NRBP2: variants seen among roughly 807,000 people sequenced by gnomAD.
NRBP2 encodes the protein nuclear receptor binding protein 2.
Under a neutral mutation model 74.4 loss-of-function variants are expected in NRBP2, and 47 were observed. The observed-to-expected ratio is 0.63, with a 90% CI of 0.50 to 0.81. The LOEUF is 0.81. Among genes scored for constraint, NRBP2 ranks in the 30% least tolerant of loss-of-function variants. NRBP2 has a pLI of 0.00. For missense variants in NRBP2, 613 were observed against 690.1 expected (o/e 0.89, Z 1.25); for synonymous variants, 312 against 273.8 (o/e 1.14, Z -1.38).
Position 143,840,783 on chromosome 8 carries a change from G to A in NRBP2, c.52C>T (p.Arg18Trp). 1 of 1,504,270 alleles carries A rather than the reference G, an allele frequency of 6.6e-7. No homozygotes were observed. The highest frequency in any genetic ancestry group is 8.8e-7 in the Non-Finnish European group (1 of 1,132,434). 93.2% of individuals were successfully genotyped at this position (1,504,270 alleles called of 1,614,324 possible). A position where few individuals can be genotyped will look rare whatever the true frequency, so the allele number is the denominator to read the frequency against. ...PRRARERERE[R>W]EDESEDESDI... is the part of the protein sequence containing the mutation. The stretch of plus-strand genomic sequence containing the variant: ...CTCTCGTCCTCGCTCTCGTCCTCCC[G>A]CTCCCGCTCCCGTTCCCGGGCCCGC... The change falls in exon 1 of 18, where the codon CGG becomes TGG. Residue 18 changes from arginine (R) to tryptophan (W), a missense_variant. This residue lies in a region of NRBP2 where 332 missense variants were observed against 429.2 expected (regional missense o/e 0.77). Coordinates refer to ENST00000442628, the MANE Select transcript of NRBP2 (RefSeq NM_178564.4). This position sits in a 1 kb window ranked among gnomAD's most constrained non-coding sequence, Gnocchi z 5.7.
At position 143,839,292 on chromosome 8, in the gene NRBP2, CCCAGCCCTGCCCCG is replaced by C. The variant is rs1563863993; in HGVS notation, c.580+8_580+21del. ...CACCTTCCCCTGCCCCGTTCCCCCA[CCCAGCCCTGCCCCG>C]CCAGCACCGGAGCCGATCTTGATGA... On this transcript the variant is annotated splice_region_variant and intron_variant, in intron 6 of 17. Transcript: ENST00000442628. The surrounding 1 kb of genome is among the most constrained non-coding windows in gnomAD (Gnocchi z 5.1). The C allele has an allele frequency of 1.3e-6, 2 of 1,539,882 alleles. No homozygotes were observed. The highest frequency in any genetic ancestry group is 2.4e-5 in the South Asian group (2 of 84,374).
chr8:143,837,332 G>A lies in NRBP2; in HGVS notation c.1077-33C>T. On this transcript the variant is annotated intron_variant, in intron 12 of 17. Coordinates refer to ENST00000442628, the MANE Select transcript of NRBP2 (RefSeq NM_178564.4). The surrounding 1 kb of genome is among the most constrained non-coding windows in gnomAD (Gnocchi z 4.3). Reference sequence around the variant, plus strand: ...GGAAGTGGGAGGCACATGAGGGGCTGGCCGGGGCGAGGGGAGGGGAGGTGC... The same window carrying A: ...GGAAGTGGGAGGCACATGAGGGGCTAGCCGGGGCGAGGGGAGGGGAGGTGC... The A allele has an allele frequency of 6.2e-7, 1 of 1,602,910 alleles. No homozygotes were observed. Among genetic ancestry groups the A allele is most frequent in the Non-Finnish European group, 8.5e-7 (1 of 1,174,560 alleles).
chr8:143,839,805 G>C lies in NRBP2; in HGVS notation c.375C>G (p.Tyr125Ter). The change falls in exon 4 of 18, where the codon TAC becomes TAG. Residue 125 changes from tyrosine to a stop codon, truncating the protein, a stop_gained. Coordinates refer to ENST00000442628, the MANE Select transcript of NRBP2 (RefSeq NM_178564.4). LOFTEE classifies it high-confidence loss of function. This position sits in a 1 kb window ranked among gnomAD's most constrained non-coding sequence, Gnocchi z 5.1. ...ATTGCTTGAGGCTGCCTGATGACAC[G>C]TACTCTGTGATGAAGATGACCTGCA... is the stretch of plus-strand genomic sequence containing the variant. Reference protein sequence around the residue: ...ACARVIFITEYVSSGSLKQFL... With the variant: ...ACARVIFITE 1 of 1,536,062 alleles carries C rather than the reference G, an allele frequency of 6.5e-7. No individual in the cohort carries two copies. Among genetic ancestry groups the C allele is most frequent in the Non-Finnish European group, 8.7e-7 (1 of 1,146,880 alleles).
In NRBP2 at chr8:143,835,700, C is replaced by G; in HGVS notation, c.1468G>C (p.Glu490Gln). ...CCACGGTACTTGAGGAAGGTGCTCTCCAGGAAGGCGGCCAGCTTCATCCGG... is the reference window on the plus strand; with the variant it reads ...CCACGGTACTTGAGGAAGGTGCTCTGCAGGAAGGCGGCCAGCTTCATCCGG... ...DDRMKLAAFL[E>Q]STFLKYRGTQ... Residue 490 changes from glutamate to glutamine, a missense_variant, in exon 18 of 18, where the codon GAG becomes CAG. Glu to Gln is a conservative substitution (Grantham distance 29). Transcript: ENST00000442628. This position sits in a 1 kb window ranked among gnomAD's most constrained non-coding sequence, Gnocchi z 4.9. 1 of 1,600,366 alleles carries G rather than the reference C, an allele frequency of 6.2e-7. No homozygotes were observed. The highest frequency in any genetic ancestry group is 8.5e-7 in the Non-Finnish European group (1 of 1,174,708).
Position 143,835,464 on chromosome 8 carries a change from C to G in NRBP2, c.*198G>C. 3 of 657,316 alleles carry G rather than the reference C, an allele frequency of 4.6e-6. No individual in the cohort carries two copies. Among genetic ancestry groups the G allele is most frequent in the Non-Finnish European group, 8.1e-6 (3 of 369,270 alleles). 40.7% of individuals were successfully genotyped at this position (657,316 alleles called of 1,614,324 possible). A position where few individuals can be genotyped will look rare whatever the true frequency, so the allele number is the denominator to read the frequency against. On this transcript the variant is annotated 3_prime_UTR_variant, in exon 18 of 18. Transcript: ENST00000442628. The surrounding 1 kb of genome is among the most constrained non-coding windows in gnomAD (Gnocchi z 4.9). ...TAAGGACCTGGGAGGCCTAACGGCT[C>G]CCCCACACCCACCCCCCAACCCCTC... is the stretch of plus-strand genomic sequence containing the variant.
rs1818645153 is a variant in NRBP2, at chr8:143,840,476, G to T, written c.129+230C>A. 1 of 659,378 alleles carries T rather than the reference G, an allele frequency of 1.5e-6. No individual in the cohort carries two copies. The highest frequency in any genetic ancestry group is 1.8e-5 in the African/African-American group (1 of 54,940). 40.8% of individuals were successfully genotyped at this position (659,378 alleles called of 1,614,324 possible). On this transcript the variant is annotated intron_variant, in intron 1 of 17. Coordinates refer to ENST00000442628, the MANE Select transcript of NRBP2 (RefSeq NM_178564.4). This position sits in a 1 kb window ranked among gnomAD's most constrained non-coding sequence, Gnocchi z 5.7. ...GGGGATCCCCAGGAAGCTAGCGGCT[G>T]AGTCCAGAGGCATGGGGAGGTGGTC...
chr8:143,836,239 CCAAAGGGG>C (rs1818378217), intron 14 of NRBP2, 59 bp from the exon 15 acceptor site: 1 of 1,462,046 alleles, frequency 6.8e-7, no homozygotes, highest in African/African-American at 1.5e-5. Context: ...TGCCGCGGCC[CCAAAGGGG>C]CCGGGAAGGG....
At chr8:143,831,718 T>C (rs1007389990), downstream of NRBP2, among the ~76,000 whole-genome samples, 12 of 152,142 alleles carry the variant, frequency 7.9e-5, no homozygotes, top group Non-Finnish European at 7.4e-5. Flanking sequence ...TCAAGAAAAT[T>C]TCCTAGAACC....
intron 15 of NRBP2, 28 bp from the exon 16 acceptor site, chr8:143,836,058 T>TG (rs781905220): frequency 6.4e-7 from 1 of 1,566,962 alleles, no homozygotes; most frequent in East Asian, 2.3e-5. Context: ...CGTGGTCGGC[T>TG]GGGGGTTCAG....
chr8:143,840,537 G>T lies in NRBP2; in HGVS notation c.129+169C>A. 1 of 718,898 alleles carries T rather than the reference G, an allele frequency of 1.4e-6. No homozygotes were observed. The highest frequency in any genetic ancestry group is 2.2e-6 in the Non-Finnish European group (1 of 455,794). The allele number at this position is 718,898 out of a possible 1,614,324, so 44.5% of individuals were successfully genotyped here. On this transcript the variant is annotated intron_variant, in intron 1 of 17. Transcript: ENST00000442628. The surrounding 1 kb of genome is among the most constrained non-coding windows in gnomAD (Gnocchi z 5.7). ...ACTGGCCCTCAGGGAGTCCCAGGGC[G>T]AGCGCCAGGCCAAAGGGGTCCAGGG...
chr8:143,835,491 G>C lies in NRBP2; in HGVS notation c.*171C>G. On this transcript the variant is annotated 3_prime_UTR_variant, in exon 18 of 18. Transcript: ENST00000442628. The surrounding 1 kb of genome is among the most constrained non-coding windows in gnomAD (Gnocchi z 4.9). ...CCCACACCCACCCCCCAACCCCTCG[G>C]CGCCCAAGGCAGGGTCAGCCCCACT... 1.5e-6 allele frequency: 1 copy of C among 683,316 alleles called. No individual in the cohort carries two copies. The allele number at this position is 683,316 out of a possible 1,614,324, so 42.3% of individuals were successfully genotyped here.
downstream of NRBP2, among the ~76,000 whole-genome samples, chr8:143,832,313 G>A (rs1212670275): frequency 2.0e-5 from 3 of 151,974 alleles, no homozygotes; most frequent in African/African-American, 7.3e-5. Context: ...GCCTAGGAAA[G>A]CCAGGTATTG....
rs879962376 is a variant in NRBP2, at chr8:143,839,622, G to A, written c.445-73C>T. On this transcript the variant is annotated intron_variant, in intron 4 of 17. Coordinates refer to ENST00000442628, the MANE Select transcript of NRBP2 (RefSeq NM_178564.4). This position sits in a 1 kb window ranked among gnomAD's most constrained non-coding sequence, Gnocchi z 5.1. ...CGGCTGGGCCTGCGGAGCCCGCCCC[G>A]CATCCTCGCCCAGCCCCTGTCCGAG... is the stretch of plus-strand genomic sequence containing the variant. The A allele has an allele frequency of 7.2e-5, 108 of 1,505,818 alleles. No individual in the cohort carries two copies. Among genetic ancestry groups the A allele is most frequent in the Non-Finnish European group, 9.2e-5 (104 of 1,132,340 alleles). The allele number at this position is 1,505,818 out of a possible 1,614,324, so 93.3% of individuals were successfully genotyped here. A position where few individuals can be genotyped will look rare whatever the true frequency, so the allele number is the denominator to read the frequency against.
chr8:143,840,245 G>A lies in NRBP2; in HGVS notation c.130-16C>T, dbSNP rs1554653406. ...CTTGGTTTACCTGGGGGTGAATAAA[G>A]GGTTATGTGTGCCCTGGTGTGTGTC... On this transcript the variant is annotated splice_polypyrimidine_tract_variant and intron_variant, in intron 1 of 17. Coordinates refer to ENST00000442628, the MANE Select transcript of NRBP2 (RefSeq NM_178564.4). The surrounding 1 kb of genome is among the most constrained non-coding windows in gnomAD (Gnocchi z 5.7). The A allele has an allele frequency of 6.5e-7, 1 of 1,535,818 alleles. No homozygotes were observed. The highest frequency in any genetic ancestry group is 1.2e-5 in the South Asian group (1 of 83,996).
At chr8:143,830,496 C>T (rs1818110824), downstream of NRBP2, among the ~76,000 whole-genome samples, 1 of 152,256 alleles carries the variant, frequency 6.6e-6, no homozygotes, top group African/African-American at 2.4e-5. Flanking sequence ...ACCCCTGCCT[C>T]CACCCCTGGG....
Position 143,836,002 on chromosome 8 carries a change from C to A in NRBP2, c.1346G>T (p.Arg449Leu), listed in dbSNP as rs782171377. ...HLTLLLVLED[R>L]LHRQLTYDLL... is the part of the protein sequence containing the mutation. ...GTCGTAGGTCAGCTGCCGGTGCAGC[C>A]GGTCTTCCAGCACCAGAAGCAGAGT... The change falls in exon 16 of 18, where the codon CGG (arginine) becomes CTG (leucine). Residue 449 changes from arginine (R) to leucine (L), a missense_variant. This residue lies in a region of NRBP2 where 281 missense variants were observed against 260.9 expected (regional missense o/e 1.08). Transcript: ENST00000442628. The A allele has an allele frequency of 4.4e-6, 7 of 1,577,030 alleles. No individual in the cohort carries two copies. Among genetic ancestry groups the A allele is most frequent in the African/African-American group, 1.4e-5 (1 of 73,198 alleles).
At position 143,837,630 on chromosome 8, in the gene NRBP2, C is replaced by T; in HGVS notation, c.966G>A (p.Gln322=). 1 of 1,600,478 alleles carries T rather than the reference C, an allele frequency of 6.2e-7. No individual in the cohort carries two copies. The highest frequency in any genetic ancestry group is 1.7e-5 in the Admixed American group (1 of 58,142). Residue 322 remains glutamine (Q), a synonymous_variant, in exon 11 of 18, where the codon CAG becomes CAA. Transcript: ENST00000442628. This position sits in a 1 kb window ranked among gnomAD's most constrained non-coding sequence, Gnocchi z 4.3. ...GGCCGGCCTGCTGCTCACACTGGTG[C>T]TGGATGAAGCAGTGGGCTGCCAGGA... is the stretch of plus-strand genomic sequence containing the variant. The part of the protein sequence containing the change: ...LKLLAAHCFI[Q]HQYLMPENVV...
Position 143,837,834 on chromosome 8 carries a change from T to C in NRBP2, c.841-79A>G. 1 of 1,519,126 alleles carries C rather than the reference T, an allele frequency of 6.6e-7. No homozygotes were observed. The highest frequency in any genetic ancestry group is 8.9e-7 in the Non-Finnish European group (1 of 1,122,900). The allele number at this position is 1,519,126 out of a possible 1,614,324, so 94.1% of individuals were successfully genotyped here. A position where few individuals can be genotyped will look rare whatever the true frequency, so the allele number is the denominator to read the frequency against. On this transcript the variant is annotated intron_variant, in intron 10 of 17. Coordinates refer to ENST00000442628, the MANE Select transcript of NRBP2 (RefSeq NM_178564.4). This position sits in a 1 kb window ranked among gnomAD's most constrained non-coding sequence, Gnocchi z 4.3. ...CCGCAGTTCGAGGAGAGGTGGCCCC[T>C]GAGTTCCCCATGTCCCTCCTCAGGG...
At chr8:143,836,476 G>A (rs186679647) in intron 14 of NRBP2, among the ~76,000 whole-genome samples, 311 of 152,066 alleles carry the variant, frequency 2.0e-3, no homozygotes, top group South Asian at 0.011. Context: ...CGAAGTGCAC[G>A]GTGCCTGCGG....
Sources: allele counts gnomAD v4.1 joint callset (sites outside exome capture counted in the v4.1 genomes callset), GRCh38; gene constraint gnomAD v4.1.1; regional missense constraint gnomAD v4.1.1; non-coding constraint Gnocchi (gnomAD v3.1); transcripts MANE v1.5; gene names NCBI Gene and HGNC (gene_info 2026-07-23, HGNC 2026-07-21).